The following TECPR1 variants were observed in gnomAD, a reference collection of about 807,000 sequenced individuals.
TECPR1 encodes the protein tectonin beta-propeller repeat-containing protein 1.
A neutral mutation model predicts 162.4 loss-of-function variants in TECPR1; 122 were observed. The observed-to-expected ratio is 0.75, with a 90% CI of 0.65 to 0.87. TECPR1 has a LOEUF of 0.87. TECPR1 is among the 40% of genes least tolerant of loss of function. The probability of loss-of-function intolerance (pLI) is 0.00; values close to 1 mark genes in which losing one functional copy is unlikely to be tolerated. For synonymous variants in TECPR1, 642 were observed against 670.6 expected (o/e 0.96, Z 0.66); for missense variants, 1,432 against 1,618.2 (o/e 0.88, Z 1.97).
chr7:98,238,669 T>C (rs1798664337), intron 8 of TECPR1, 59 bp from the exon 9 acceptor site: 3 of 1,378,312 alleles, frequency 2.2e-6, no homozygotes, highest in Middle Eastern at 3.5e-4. Flanking sequence ...GACGGTTCGT[T>C]CGTTTAAGCC....
Position 98,240,877 on chromosome 7 carries a change from C to A in TECPR1, c.907G>T (p.Val303Phe). 6.3e-7 allele frequency: 1 copy of A among 1,575,936 alleles called. No individual in the cohort carries two copies. Residue 303 changes from valine to phenylalanine, a missense_variant, in exon 8 of 26, where the codon GTC becomes TTC. Val to Phe is a conservative substitution (Grantham distance 50). Coordinates refer to ENST00000447648, the MANE Select transcript of TECPR1 (RefSeq NM_015395.3). Reference sequence around the variant, plus strand: ...TTCCAGTCCTTGGTGACAGCCCAGACCACGCTGACTCCCACCGAGATGTGC... The same window carrying A: ...TTCCAGTCCTTGGTGACAGCCCAGAACACGCTGACTCCCACCGAGATGTGC... ...VMHISVGVSVVWAVTKDWKVW... is the reference protein window; with the variant it reads ...VMHISVGVSVFWAVTKDWKVW...
chr7:98,249,416 C>T (rs531401340), intron 2 of TECPR1, among the ~76,000 whole-genome samples: 2 of 152,210 alleles, frequency 1.3e-5, no homozygotes, highest in East Asian at 3.9e-4. Context: ...CACCAAGGCC[C>T]GTCAAACATA....
At chr7:98,222,317 G>A in intron 22 of TECPR1, 69 bp downstream of exon 22, 1 of 1,542,406 alleles carries the variant, frequency 6.5e-7, no homozygotes, top group South Asian at 1.2e-5. Flanking sequence ...GGCCCAGAGG[G>A]GATGTTCAGC....
intron 11 of TECPR1, chr7:98,233,202 G>C: frequency 1.3e-6 from 1 of 787,176 alleles, no homozygotes; most frequent in East Asian, 2.9e-5. Flanking sequence ...ACAGGGGAAG[G>C]GGCACTGGCC....
rs934218253 is a variant in TECPR1, at chr7:98,215,471, G to A, written c.*1919C>T. 2.0e-5 allele frequency: 3 copies of A among 152,202 alleles called. No individual in the cohort carries two copies. Among genetic ancestry groups the A allele is most frequent in the East Asian group, 3.8e-4 (2 of 5,200 alleles). 9.4% of individuals were successfully genotyped at this position (152,202 alleles called of 1,614,324 possible). A position where few individuals can be genotyped will look rare whatever the true frequency, so the allele number is the denominator to read the frequency against. ...CTGCTTCAGGCACACGGGGAACCAC[G>A]CGTTTTAATCAACGTATCGATAAAA... is the stretch of plus-strand genomic sequence containing the variant. On this transcript the variant is annotated 3_prime_UTR_variant, in exon 26 of 26. Coordinates refer to ENST00000447648, the MANE Select transcript of TECPR1 (RefSeq NM_015395.3).
At chr7:98,227,876 G>A in intron 17 of TECPR1, 138 bp downstream of exon 17, 2 of 520,734 alleles carry the variant, frequency 3.8e-6, no homozygotes, top group African/African-American at 1.9e-5. Flanking sequence ...TGAGCGGTAA[G>A]ATCCGGTTAG....
At position 98,224,792 on chromosome 7, in the gene TECPR1, G is replaced by A. The variant is rs1355109934; in HGVS notation, c.2690+9C>T. 3 of 1,576,490 alleles carry A rather than the reference G, an allele frequency of 1.9e-6. No individual in the cohort carries two copies. The highest frequency in any genetic ancestry group is 1.8e-5 in the Admixed American group (1 of 54,304). On this transcript the variant is annotated intron_variant, in intron 19 of 25. Coordinates refer to ENST00000447648, the MANE Select transcript of TECPR1 (RefSeq NM_015395.3). ...CCAGCCCGAAGGCCCTGTGCAGGGA[G>A]AGGCTTACGCAGGGAAGTCGCTGGC...
In TECPR1 at chr7:98,222,429, G is replaced by A; in HGVS notation, c.3021C>T (p.Gly1007=). 1 of 1,595,888 alleles carries A rather than the reference G, an allele frequency of 6.3e-7. No individual in the cohort carries two copies. ...CYQVWAVARD[G]SAFYRGSVYP... is the part of the protein sequence containing the mutation. The stretch of plus-strand genomic sequence containing the variant: ...ACACGGATCCCCGGTAGAAGGCGGA[G>A]CCGTCCCTTGCCACGGCCCACACCT... The change falls in exon 22 of 26, where the codon GGC becomes GGT. Residue 1007 remains glycine, a synonymous_variant. Transcript: ENST00000447648.
chr7:98,220,619 C>T (rs1393683353), intron 23 of TECPR1, among the ~76,000 whole-genome samples: 13 of 151,064 alleles, frequency 8.6e-5, no homozygotes, highest in African/African-American at 1.9e-4. Flanking sequence ...AGTGCAGTGA[C>T]GCAATCTCGG....
At position 98,232,810 on chromosome 7, in the gene TECPR1, G is replaced by A. The variant is rs759897573; in HGVS notation, c.1818+17C>T. ...GAAAAAAAAAAAAAATGCATGCGCA[G>A]CCACCGGGGCACCCACCTGCTCCAC... On this transcript the variant is annotated intron_variant, in intron 12 of 25. Coordinates refer to ENST00000447648, the MANE Select transcript of TECPR1 (RefSeq NM_015395.3). This position sits in a 1 kb window ranked among gnomAD's most constrained non-coding sequence, Gnocchi z 4.6. 4 of 1,547,362 alleles carry A rather than the reference G, an allele frequency of 2.6e-6. No individual in the cohort carries two copies. The Admixed American group carries it at 8.5e-5, about 33-fold the overall frequency.
intron 10 of TECPR1, 133 bp from the exon 11 acceptor site, chr7:98,234,044 G>A (rs1339962187): frequency 8.0e-5 from 97 of 1,213,910 alleles, no homozygotes; most frequent in Non-Finnish European, 1.0e-4. Flanking sequence ...CTGAACTCCT[G>A]TCTCTTCCTC....
chr7:98,230,943 A>T lies in TECPR1; in HGVS notation c.2282+18T>A. 6.2e-7 allele frequency: 1 copy of T among 1,603,962 alleles called. No homozygotes were observed. Among genetic ancestry groups the T allele is most frequent in the Non-Finnish European group, 8.5e-7 (1 of 1,174,854 alleles). ...TGAGGCCAGGCCCCAGACCCCACCC[A>T]GAGTGCGGCTCACTCACATCTGGTC... On this transcript the variant is annotated intron_variant, in intron 15 of 25. Coordinates refer to ENST00000447648, the MANE Select transcript of TECPR1 (RefSeq NM_015395.3).
chr7:98,216,073 G>T lies in TECPR1; in HGVS notation c.*1317C>A, dbSNP rs569795751. ...TGGGGTTGGGCTCTGATGACCTCCCGGGCAAAGTGTCCAGGTGGAGGAAGC... is the reference window on the plus strand; with the variant it reads ...TGGGGTTGGGCTCTGATGACCTCCCTGGCAAAGTGTCCAGGTGGAGGAAGC... On this transcript the variant is annotated 3_prime_UTR_variant, in exon 26 of 26. Transcript: ENST00000447648. 5.3e-5 allele frequency: 8 copies of T among 152,358 alleles called. No individual in the cohort carries two copies. The highest frequency in any genetic ancestry group is 1.9e-4 in the African/African-American group (8 of 41,568). The allele number at this position is 152,358 out of a possible 1,614,324, so 9.4% of individuals were successfully genotyped here.
intron 23 of TECPR1, among the ~76,000 whole-genome samples, chr7:98,221,228 G>GT (rs1319228792): frequency 6.6e-6 from 1 of 152,106 alleles, no homozygotes; most frequent in Non-Finnish European, 1.5e-5. Context: ...CTTGAACTCA[G>GT]TAGGTGGAGG....
At position 98,245,948 on chromosome 7, in the gene TECPR1, G is replaced by A. The variant is rs764421443; in HGVS notation, c.199C>T (p.Arg67Cys). The part of the protein sequence containing the change: ...YVCASDVPIR[R>C]REEAYENQRW... Reference sequence around the variant, plus strand: ...TGATTCTCATAGGCCTCCTCTCGGCGGCGGATGGGGACATCGCTGGCACAC... The same window carrying A: ...TGATTCTCATAGGCCTCCTCTCGGCAGCGGATGGGGACATCGCTGGCACAC... The change falls in exon 3 of 26, where the codon CGC (arginine) becomes TGC (cysteine). Residue 67 changes from arginine to cysteine, a missense_variant. Transcript: ENST00000447648. The A allele has an allele frequency of 7.5e-6, 12 of 1,604,240 alleles. No homozygotes were observed. Among genetic ancestry groups the A allele is most frequent in the African/African-American group, 5.3e-5 (4 of 74,780 alleles).
At chr7:98,230,467 C>A (rs916738974) in intron 15 of TECPR1, among the ~76,000 whole-genome samples, 2 of 152,118 alleles carry the variant, frequency 1.3e-5, no homozygotes, top group African/African-American at 4.8e-5. Context: ...TCTGCCCACT[C>A]CTGCTGGACT....
At chr7:98,239,881 C>T (rs1047266200) in intron 8 of TECPR1, among the ~76,000 whole-genome samples, 22 of 152,042 alleles carry the variant, frequency 1.4e-4, no homozygotes, top group Non-Finnish European at 2.5e-4. Flanking sequence ...GAGGCTGAGG[C>T]GGGCGGATCA....
In TECPR1 at chr7:98,232,992, T is replaced by C; in HGVS notation, c.1673-20A>G. 6.3e-7 allele frequency: 1 copy of C among 1,594,444 alleles called. No homozygotes were observed. The highest frequency in any genetic ancestry group is 8.6e-7 in the Non-Finnish European group (1 of 1,169,478). ...ACAGGCCTGTGGGGCAGAGAGAGCC[T>C]CAGGGCCGGGGCACTGTCCTGCCCG... On this transcript the variant is annotated intron_variant, in intron 11 of 25. Transcript: ENST00000447648. This position sits in a 1 kb window ranked among gnomAD's most constrained non-coding sequence, Gnocchi z 4.6.
chr7:98,229,581 TC>T (rs1798368216), intron 15 of TECPR1, among the ~76,000 whole-genome samples: 1 of 152,126 alleles, frequency 6.6e-6, no homozygotes, highest in Non-Finnish European at 1.5e-5. Context: ...GGACATGACA[TC>T]TAATCCTCTG....
Sources: gnomAD v4.1 joint callset for allele counts (sites outside exome capture counted in the v4.1 genomes callset) on GRCh38, gnomAD v4.1.1 for gene constraint, Gnocchi (gnomAD v3.1) non-coding constraint, MANE v1.5 for transcripts, NCBI Gene and HGNC (gene_info 2026-07-23, HGNC 2026-07-21) for gene names.